Variants in TRAPPC11 observed in about 807,000 individuals in gnomAD.
TRAPPC11 encodes trafficking protein particle complex subunit 11, also known as foie gras homolog.
Under a neutral mutation model 151.2 loss-of-function variants are expected in TRAPPC11, and 104 were observed. The observed-to-expected ratio is 0.69, with a 90% CI of 0.59 to 0.81. The LOEUF is 0.81. Ranked by LOEUF, TRAPPC11 falls within the 30% of genes least tolerant of loss-of-function variation. The pLI, the probability that TRAPPC11 is intolerant of heterozygous loss-of-function variation, is 0.00. For synonymous variants in TRAPPC11, 456 were observed against 472.3 expected (o/e 0.97, Z 0.45); for missense variants, 1,230 against 1,349.6 (o/e 0.91, Z 1.39).
chr4:183,676,926 G>A (rs1735442736), intron 7 of TRAPPC11, among the ~76,000 whole-genome samples: 2 of 151,950 alleles, frequency 1.3e-5, no homozygotes, highest in South Asian at 2.1e-4. Flanking sequence ...TACCACACCC[G>A]GCTAACTTTT....
intron 1 of TRAPPC11, among the ~76,000 whole-genome samples, chr4:183,659,989 A>G (rs1484038544): frequency 1.3e-5 from 2 of 151,982 alleles, no homozygotes; most frequent in Admixed American, 6.6e-5. Context: ...TTTCCAGTTT[A>G]CTTCCCTTGC....
Position 183,706,960 on chromosome 4 carries a change from A to T in TRAPPC11, c.3189+20A>T. On this transcript the variant is annotated intron_variant, in intron 28 of 29. Coordinates refer to ENST00000334690, the MANE Select transcript of TRAPPC11 (RefSeq NM_021942.6). The stretch of plus-strand genomic sequence containing the variant: ...AAACAGGTACAGGTCATATCTTGTG[A>T]TGCTTATGTTGACACAAAAGTGTGC... 1 of 1,609,714 alleles carries T rather than the reference A, an allele frequency of 6.2e-7. No homozygotes were observed. Among genetic ancestry groups the T allele is most frequent in the Non-Finnish European group, 8.5e-7 (1 of 1,177,642 alleles).
chr4:183,691,288 T>G, intron 18 of TRAPPC11, 28 bp from the exon 19 acceptor site: 2 of 1,437,428 alleles, frequency 1.4e-6, no homozygotes, highest in Non-Finnish European at 9.3e-7. Context: ...ACATCTGACA[T>G]TTGATGACCC....
rs1736833544 is a variant in TRAPPC11, at chr4:183,702,174, T to A, written c.2963+366T>A. 2.0e-5 allele frequency among the ~76,000 whole-genome samples: 3 copies of A among 151,950 alleles called. No individual in the cohort carries two copies. The South Asian group carries it at 6.2e-4, about 32-fold the overall frequency. On this transcript the variant is annotated intron_variant, in intron 26 of 29. Transcript: ENST00000334690. Reference sequence around the variant, plus strand: ...GCCTGGGCAACATGGTGAAACCCTGTCTCTACAAAAAATACAAAAATTAGC... The same window carrying A: ...GCCTGGGCAACATGGTGAAACCCTGACTCTACAAAAAATACAAAAATTAGC...
At chr4:183,691,555 A>G in intron 19 of TRAPPC11, 84 bp downstream of exon 19, 1 of 909,164 alleles carries the variant, frequency 1.1e-6, no homozygotes, top group Non-Finnish European at 1.5e-6. Context: ...AAAGTTGATT[A>G]AGTAAAAAAT....
chr4:183,694,845 A>T (rs1360632350), intron 23 of TRAPPC11, 122 bp downstream of exon 23: 37 of 998,166 alleles, frequency 3.7e-5, no homozygotes, highest in Non-Finnish European at 5.3e-5. Flanking sequence ...TCTGTTATAA[A>T]TTTTAATTAA....
At chr4:183,667,665 T>A (rs116082739) in intron 4 of TRAPPC11, among the ~76,000 whole-genome samples, 1 of 152,246 alleles carries the variant, frequency 6.6e-6, no homozygotes, top group Non-Finnish European at 1.5e-5. Context: ...TTGAAACTTA[T>A]AGCATCCAAA....
At chr4:183,705,225 A>G (rs372993893) in intron 27 of TRAPPC11, among the ~76,000 whole-genome samples, 155 bp downstream of exon 27, 1 of 152,294 alleles carries the variant, frequency 6.6e-6, no homozygotes, top group East Asian at 1.9e-4. Context: ...CTACTTCTAC[A>G]CACTCCTCCT....
chr4:183,707,059 GGT>G, intron 28 of TRAPPC11, 119 bp downstream of exon 28: 1 of 1,261,156 alleles, frequency 7.9e-7, no homozygotes, highest in Non-Finnish European at 1.1e-6. Context: ...CTGTTGTTTT[GGT>G]AATAGTGAAT....
chr4:183,665,196 G>C (rs539503180), intron 2 of TRAPPC11, among the ~76,000 whole-genome samples: 5 of 145,342 alleles, frequency 3.4e-5, no homozygotes, highest in Non-Finnish European at 7.5e-5. Context: ...CTGGGTTCGT[G>C]CCATTCTCCT....
chr4:183,687,519 G>C (rs1327145157), intron 18 of TRAPPC11, among the ~76,000 whole-genome samples: 6 of 151,948 alleles, frequency 3.9e-5, no homozygotes, highest in Non-Finnish European at 7.4e-5. Flanking sequence ...TGTAGAGACA[G>C]GGTTTTGCTG....
intron 5 of TRAPPC11, among the ~76,000 whole-genome samples, chr4:183,671,481 T>G (rs1178602918): frequency 2.0e-5 from 3 of 152,224 alleles, no homozygotes; most frequent in African/African-American, 7.2e-5. Flanking sequence ...TGCTCCTGCT[T>G]CTGCTCTTGT....
intron 29 of TRAPPC11, among the ~76,000 whole-genome samples, chr4:183,711,316 A>G (rs1489975476): frequency 6.6e-6 from 1 of 152,220 alleles, no homozygotes; most frequent in Non-Finnish European, 1.5e-5. Context: ...CCACATTTCA[A>G]GTGCTCAATC....
chr4:183,663,736 G>GT lies in TRAPPC11; in HGVS notation c.-21-92dup, dbSNP rs70959134. On this transcript the variant is annotated intron_variant, in intron 1 of 29. Coordinates refer to ENST00000334690, the MANE Select transcript of TRAPPC11 (RefSeq NM_021942.6). ...CATATATTGGAAATGAATATGAGTT[G>GT]TTTTTTTTTTTTTTTTTTTGAGACA... 41,554 of 388,094 alleles carry GT rather than the reference G, an allele frequency of 0.11. 5,062 individuals are homozygous for GT. Among genetic ancestry groups the GT allele is most frequent in the African/African-American group, 0.3 (11,088 of 36,642 alleles). 24.0% of individuals were successfully genotyped at this position (388,094 alleles called of 1,614,324 possible).
chr4:183,663,534 A>G (rs957259804), intron 1 of TRAPPC11, among the ~76,000 whole-genome samples: 2 of 151,700 alleles, frequency 1.3e-5, no homozygotes, highest in African/African-American at 4.8e-5. Context: ...CGACCAACCA[A>G]TTTTTTGTAT....
Position 183,697,676 on chromosome 4 carries a change from CA to C in TRAPPC11, c.2695-2del. ...ACAGACCTTTTATCTTCATTTGTGA[CA>C]GTTTGAGCACCTGGAAAGGGTTTAT... On this transcript the variant is annotated splice_acceptor_variant, in intron 24 of 29. Transcript: ENST00000334690. LOFTEE classifies it high-confidence loss of function. The C allele has an allele frequency of 6.2e-7, 1 of 1,613,392 alleles. No homozygotes were observed. Among genetic ancestry groups the C allele is most frequent in the Non-Finnish European group, 8.5e-7 (1 of 1,179,796 alleles).
In TRAPPC11 at chr4:183,712,649, C is replaced by G. The variant is rs1225912958; in HGVS notation, c.*5C>G. 1 of 1,614,104 alleles carries G rather than the reference C, an allele frequency of 6.2e-7. No homozygotes were observed. ...ACCTCTATTGCTGCTGCATGATGTT[C>G]AAGACCGGCCCTTGGCTGTTGTTAC... On this transcript the variant is annotated 3_prime_UTR_variant, in exon 30 of 30. Transcript: ENST00000334690.
At chr4:183,708,271 T>G (rs1233297004) in intron 28 of TRAPPC11, 136 bp from the exon 29 acceptor site, 1 of 860,458 alleles carries the variant, frequency 1.2e-6, no homozygotes, top group Non-Finnish European at 1.7e-6. Flanking sequence ...GTTTGGAAGA[T>G]GGACTAGGAG....
At chr4:183,693,429 C>T (rs1736360634) in intron 20 of TRAPPC11, among the ~76,000 whole-genome samples, 160 bp from the exon 21 acceptor site, 1 of 152,186 alleles carries the variant, frequency 6.6e-6, no homozygotes, top group Non-Finnish European at 1.5e-5. Context: ...TTGTTTCAAA[C>T]TCCTGGGCTC....
Sources: allele counts gnomAD v4.1 joint callset (sites outside exome capture counted in the v4.1 genomes callset), GRCh38; gene constraint gnomAD v4.1.1; transcripts MANE v1.5; gene names NCBI Gene and HGNC (gene_info 2026-07-23, HGNC 2026-07-21).